Variants in COQ8A observed in about 807,000 individuals in gnomAD.
The protein encoded by COQ8A is coenzyme Q8A, also known as atypical kinase COQ8A, mitochondrial.
In COQ8A, 51 loss-of-function variants were observed where a neutral mutation model predicts 65.0. The observed-to-expected ratio is 0.78, with a 90% CI of 0.63 to 0.99. The LOEUF (loss-of-function observed/expected upper bound fraction) is 0.99. Ranked by LOEUF, COQ8A falls within the 50% of genes least tolerant of loss-of-function variation. The pLI is 0.00. For synonymous variants in COQ8A, 371 were observed against 353.2 expected, an observed-to-expected ratio of 1.05 and a Z score of -0.57; for missense variants, 940 against 875.0, an observed-to-expected ratio of 1.07 and a Z score of -0.94.
In COQ8A at chr1:226,977,405, C is replaced by T. The variant is rs770162067; in HGVS notation, c.656-44C>T. The T allele has an allele frequency of 4.5e-6, 7 of 1,541,078 alleles. No homozygotes were observed. In the South Asian group the frequency reaches 8.3e-5, roughly 18 times the overall value. On this transcript the variant is annotated intron_variant, in intron 4 of 14. Transcript: ENST00000366777. Reference sequence around the variant, plus strand: ...TTGTGGGTGGGCGAGCGGGTGGCCCCAGCCCTGCGTGAGCACTGAGTGCCC... The same window carrying T: ...TTGTGGGTGGGCGAGCGGGTGGCCCTAGCCCTGCGTGAGCACTGAGTGCCC...
chr1:226,979,225 G>A (rs1175202621), intron 5 of COQ8A, among the ~76,000 whole-genome samples: 1 of 152,220 alleles, frequency 6.6e-6, no homozygotes, highest in Admixed American at 6.5e-5. Context: ...CGCTGTGGCC[G>A]GGCCCTCTGT....
intron 1 of COQ8A, chr1:226,940,662 TGCAGA>T (rs1385942557): frequency 1.3e-5 from 2 of 152,524 alleles, no homozygotes; most frequent in Admixed American, 1.3e-4. Context: ...GAGGGCCACG[TGCAGA>T]GCCTTGGGTC....
Position 226,966,952 on chromosome 1 carries a change from G to T in COQ8A, c.655+1215G>T, listed in dbSNP as rs902870823. Among the ~76,000 whole-genome samples the T allele has an allele frequency of 4.6e-5, 7 of 152,344 alleles. No individual in the cohort carries two copies. The East Asian group carries it at 9.6e-4, about 21-fold the overall frequency. ...TTAACTGGATAGAATTTTCTCAGCA[G>T]TAAGGTTTTCTTTCATAATTTTTAC... is the stretch of plus-strand genomic sequence containing the variant. On this transcript the variant is annotated intron_variant, in intron 4 of 14. Transcript: ENST00000366777.
At chr1:226,976,178 GGCTGCGGGA>G (rs1659196375) in intron 4 of COQ8A, among the ~76,000 whole-genome samples, 1 of 24,364 alleles carries the variant, frequency 4.1e-5, no homozygotes, top group Non-Finnish European at 1.3e-4. Flanking sequence ...CTGGCTGCGG[GGCTGCGGGA>G]CTGCGGGGCT....
Position 226,965,279 on chromosome 1 carries a change from T to A in COQ8A, c.457T>A (p.Phe153Ile), listed in dbSNP as rs759177814. The A allele has an allele frequency of 6.2e-6, 10 of 1,613,992 alleles. No individual in the cohort carries two copies. The South Asian group carries it at 1.1e-4, about 18-fold the overall frequency. The change falls in exon 3 of 15, where the codon TTC becomes ATC. Residue 153 changes from phenylalanine (F) to isoleucine (I), a missense_variant. Coordinates refer to ENST00000366777, the MANE Select transcript of COQ8A (RefSeq NM_020247.5). ...GRLFANPRDSFSAMGFQRRFF... is the reference protein window; with the variant it reads ...GRLFANPRDSISAMGFQRRFF... ...GCTCTTTGCAAACCCCAGAGACTCA[T>A]TCTCTGCCATGGGCTTTCAGCGAAG...
chr1:226,960,780 C>T (rs1658201042), intron 1 of COQ8A, among the ~76,000 whole-genome samples: 1 of 151,910 alleles, frequency 6.6e-6, no homozygotes, highest in Non-Finnish European at 1.5e-5. Context: ...GTGGGCTGAC[C>T]CTGAGGGGTC....
chr1:226,947,207 G>C (rs1181728418), intron 1 of COQ8A, among the ~76,000 whole-genome samples: 1 of 152,208 alleles, frequency 6.6e-6, no homozygotes, highest in Non-Finnish European at 1.5e-5. Context: ...ATTTGGGGCA[G>C]TGTTCTTCTC....
chr1:226,987,227 G>C lies in COQ8A; in HGVS notation c.*490G>C, dbSNP rs1445728049. 5.4e-6 allele frequency: 1 copy of C among 183,800 alleles called. No individual in the cohort carries two copies. The highest frequency in any genetic ancestry group is 1.5e-4 in the East Asian group (1 of 6,810). The allele number at this position is 183,800 out of a possible 1,614,324, so 11.4% of individuals were successfully genotyped here. ...ATGGGCTGGAGCTGGGAGAGGTGCT[G>C]AGCTAACAGTGCCAACAAGTGCTCC... On this transcript the variant is annotated 3_prime_UTR_variant, in exon 15 of 15. Coordinates refer to ENST00000366777, the MANE Select transcript of COQ8A (RefSeq NM_020247.5).
At chr1:226,953,612 G>A (rs949235195) in intron 1 of COQ8A, among the ~76,000 whole-genome samples, 14 of 152,326 alleles carry the variant, frequency 9.2e-5, no homozygotes, top group African/African-American at 3.4e-4. Context: ...GTCTCACTCA[G>A]CAGGCCTGTG....
Position 226,984,620 on chromosome 1 carries a change from T to G in COQ8A, c.1471T>G (p.Trp491Gly). 1.2e-6 allele frequency: 2 copies of G among 1,614,166 alleles called. No individual in the cohort carries two copies. Among genetic ancestry groups the G allele is most frequent in the Non-Finnish European group, 1.7e-6 (2 of 1,180,024 alleles). ...EFHFMQTDPN[W>G]SNFFYDPQQH... ...CCACTTCATGCAAACAGACCCCAAC[T>G]GGTCCAACTTCTTCTATGACCCCCA... The change falls in exon 12 of 15, where the codon TGG becomes GGG. Residue 491 changes from tryptophan to glycine, a missense_variant. By Grantham distance (184) the Trp-to-Gly change is radical. Coordinates refer to ENST00000366777, the MANE Select transcript of COQ8A (RefSeq NM_020247.5).
At chr1:226,977,586 C>T in intron 5 of COQ8A, 63 bp downstream of exon 5, 2 of 1,505,878 alleles carry the variant, frequency 1.3e-6, no homozygotes, top group South Asian at 1.2e-5. Context: ...CCTGTCAGCC[C>T]CCAGCCCCAC....
chr1:226,962,991 G>A (rs1023734667), intron 2 of COQ8A, among the ~76,000 whole-genome samples: 4 of 152,230 alleles, frequency 2.6e-5, no homozygotes, highest in Non-Finnish European at 4.4e-5. Flanking sequence ...GTGGGGCCTC[G>A]GCCTCGCTCT....
intron 4 of COQ8A, among the ~76,000 whole-genome samples, chr1:226,975,318 T>G (rs1558197837): frequency 6.6e-6 from 1 of 152,218 alleles, no homozygotes; most frequent in East Asian, 1.9e-4. Flanking sequence ...TTGTCACTCC[T>G]GAGGGCCAGG....
At chr1:226,983,254 A>G in intron 8 of COQ8A, 2 of 765,518 alleles carry the variant, frequency 2.6e-6, no homozygotes, top group Non-Finnish European at 4.1e-6. Context: ...GGCCCCCAGC[A>G]AGCTTGATTT....
chr1:226,953,779 A>G (rs1657526271), intron 1 of COQ8A, among the ~76,000 whole-genome samples: 1 of 152,206 alleles, frequency 6.6e-6, no homozygotes, highest in African/African-American at 2.4e-5. Flanking sequence ...GCGAGATAGA[A>G]GCCGGGAGTT....
In COQ8A at chr1:226,987,441, T is replaced by G. The variant is rs1660184309; in HGVS notation, c.*704T>G. 6.6e-6 allele frequency: 1 copy of G among 152,412 alleles called. No homozygotes were observed. Among genetic ancestry groups the G allele is most frequent in the African/African-American group, 2.4e-5 (1 of 41,470 alleles). 9.4% of individuals were successfully genotyped at this position (152,412 alleles called of 1,614,324 possible). On this transcript the variant is annotated 3_prime_UTR_variant, in exon 15 of 15. Coordinates refer to ENST00000366777, the MANE Select transcript of COQ8A (RefSeq NM_020247.5). ...CCGGAGAGGCACAGGTGTCACCAGTTCCAGCCAAAGGCTCCTCACAGGCGC... is the reference window on the plus strand; with the variant it reads ...CCGGAGAGGCACAGGTGTCACCAGTGCCAGCCAAAGGCTCCTCACAGGCGC...
Position 226,983,832 on chromosome 1 carries a change from G to A in COQ8A, c.1234G>A (p.Ala412Thr), listed in dbSNP as rs1356763229. ...LALECDYQRE[A>T]ACARKFRDLL... ...CCTGGAGTGTGACTACCAGCGAGAG[G>A]CCGCCTGTGCCCGCAAGTTCAGGTG... is the stretch of plus-strand genomic sequence containing the variant. Residue 412 changes from alanine (A) to threonine (T), a missense_variant, in exon 10 of 15, where the codon GCC becomes ACC. Transcript: ENST00000366777. 3.1e-6 allele frequency: 5 copies of A among 1,611,036 alleles called. No homozygotes were observed. The highest frequency in any genetic ancestry group is 8.5e-7 in the Non-Finnish European group (1 of 1,179,948).
intron 2 of COQ8A, among the ~76,000 whole-genome samples, chr1:226,963,868 G>C (rs1293562284): frequency 6.6e-6 from 1 of 152,202 alleles, no homozygotes; most frequent in African/African-American, 2.4e-5. Flanking sequence ...TCCTCCCAAA[G>C]TGCTGGGATT....
At chr1:226,944,010 G>C (rs1352502648) in intron 1 of COQ8A, among the ~76,000 whole-genome samples, 5 of 152,114 alleles carry the variant, frequency 3.3e-5, no homozygotes, top group African/African-American at 1.2e-4. Context: ...AGCCAGTGCA[G>C]ATGGCAGGGA....
Sources: allele counts gnomAD v4.1 joint callset (sites outside exome capture counted in the v4.1 genomes callset), GRCh38; gene constraint gnomAD v4.1.1; transcripts MANE v1.5; gene names NCBI Gene and HGNC (gene_info 2026-07-23, HGNC 2026-07-21).